MYLK: variants seen among roughly 807,000 people sequenced by gnomAD.
The protein encoded by MYLK is myosin light chain kinase, smooth muscle.
In MYLK, 106 loss-of-function variants were observed where a neutral mutation model predicts 203.4. That is an observed-to-expected ratio of 0.52 (90% CI 0.45 to 0.61). MYLK has a LOEUF of 0.61. MYLK is among the 20% of genes least tolerant of loss of function. MYLK has a pLI of 0.00. For synonymous variants in MYLK, 867 were observed against 959.5 expected, an observed-to-expected ratio of 0.90 and a Z score of 1.78; for missense variants, 2,072 against 2,442.3, an observed-to-expected ratio of 0.85 and a Z score of 3.20.
intron 2 of MYLK, among the ~76,000 whole-genome samples, chr3:123,875,822 G>T (rs750148442): frequency 6.6e-6 from 1 of 152,082 alleles, no homozygotes; most frequent in Non-Finnish European, 1.5e-5. Context: ...AGAATACACC[G>T]AAACTAGGAA....
rs2061220328 is a variant in MYLK, at chr3:123,701,455, A to G, written c.2445T>C (p.Ser815=). 1 of 1,614,100 alleles carries G rather than the reference A, an allele frequency of 6.2e-7. No homozygotes were observed. The highest frequency in any genetic ancestry group is 8.5e-7 in the Non-Finnish European group (1 of 1,180,008). The change falls in exon 17 of 34, where the codon TCT becomes TCC. Residue 815 remains serine, a synonymous_variant. Transcript: ENST00000360304. ...GCACTCACCGTGGAAGGGCTCTGGC[A>G]GAGCTGTTCTGTAGCATCAGTGACA... is the stretch of plus-strand genomic sequence containing the variant. ...CQVSLMLQNS[S]ARALPRGREP... is the part of the protein sequence containing the mutation.
chr3:123,679,061 C>T (rs907972533), intron 20 of MYLK, among the ~76,000 whole-genome samples: 1 of 152,154 alleles, frequency 6.6e-6, no homozygotes, highest in Non-Finnish European at 1.5e-5. Flanking sequence ...GTAATCCCAG[C>T]ACTTTGGGAG....
chr3:123,826,350 T>C (rs1420639466), intron 3 of MYLK, among the ~76,000 whole-genome samples: 1 of 152,016 alleles, frequency 6.6e-6, no homozygotes, highest in Non-Finnish European at 1.5e-5. Context: ...GGCAGACACA[T>C]CACCAGGCTG....
intron 13 of MYLK, among the ~76,000 whole-genome samples, chr3:123,714,453 G>C (rs2061824527): frequency 6.6e-6 from 1 of 152,142 alleles, no homozygotes; most frequent in Non-Finnish European, 1.5e-5. Flanking sequence ...TAAGGACCAG[G>C]GTCTGAGGCA....
At chr3:123,779,908 A>G (rs2064228302) in intron 4 of MYLK, among the ~76,000 whole-genome samples, 1 of 152,186 alleles carries the variant, frequency 6.6e-6, no homozygotes, top group Admixed American at 6.5e-5. Context: ...TGGGAAGTGC[A>G]GATTTAGAGC....
At chr3:123,722,630 T>C (rs543682337) in intron 12 of MYLK, among the ~76,000 whole-genome samples, 2 of 152,130 alleles carry the variant, frequency 1.3e-5, no homozygotes, top group Non-Finnish European at 2.9e-5. Flanking sequence ...CAAATCCACA[T>C]CCTCAACTTC....
At chr3:123,786,643 A>G (rs2064542333) in intron 4 of MYLK, among the ~76,000 whole-genome samples, 1 of 145,050 alleles carries the variant, frequency 6.9e-6, no homozygotes, top group Non-Finnish European at 1.5e-5. Flanking sequence ...TTCAAAATAA[A>G]GAGTGTAATT....
chr3:123,782,518 AG>A (rs1190524080), intron 4 of MYLK, among the ~76,000 whole-genome samples: 3 of 152,220 alleles, frequency 2.0e-5, no homozygotes, highest in African/African-American at 7.2e-5. Flanking sequence ...AGATATTAGA[AG>A]GAATCTGAAC....
Position 123,703,626 on chromosome 3 carries a change from C to T in MYLK, c.2391-2117G>A, listed in dbSNP as rs535326722. 3.9e-5 allele frequency among the ~76,000 whole-genome samples: 6 copies of T among 152,274 alleles called. No individual in the cohort carries two copies. The South Asian group carries it at 6.2e-4, about 16-fold the overall frequency. ...GGAGAACGAAGAGGTCCTCAGTGTG[C>T]CCCGAGTTCTCAACACTTAAAAAGG... On this transcript the variant is annotated intron_variant, in intron 16 of 33. Coordinates refer to ENST00000360304, the MANE Select transcript of MYLK (RefSeq NM_053025.4).
chr3:123,824,092 CTTT>C (rs750541116), intron 3 of MYLK, among the ~76,000 whole-genome samples: 1 of 143,300 alleles, frequency 7.0e-6, no homozygotes. Context: ...TTTATTGTTT[CTTT>C]TTTTTTTTTT....
rs2062544190 is a variant in MYLK, at chr3:123,733,079, C to T, written c.1333G>A (p.Val445Met). ...CEVSGIPKPE[V>M]AWFLEGTPVR... ...GGGGTGCCTTCCAGGAACCAGGCCA[C>T]TTCAGGCTTTGGAATCCCGGAAACT... Residue 445 changes from valine to methionine, a missense_variant, in exon 11 of 34, where the codon GTG becomes ATG. Around this residue, in one of 3 missense-constraint regions of MYLK, gnomAD observed 683 missense variants for 643.8 expected, o/e 1.06. Transcript: ENST00000360304. 6.2e-7 allele frequency: 1 copy of T among 1,614,002 alleles called. No individual in the cohort carries two copies. Among genetic ancestry groups the T allele is most frequent in the Non-Finnish European group, 8.5e-7 (1 of 1,179,996 alleles).
intron 18 of MYLK, among the ~76,000 whole-genome samples, chr3:123,698,552 C>T (rs1359859138): frequency 6.6e-6 from 1 of 152,178 alleles, no homozygotes; most frequent in Non-Finnish European, 1.5e-5. Flanking sequence ...AAGTCTCACC[C>T]CAGCCCAATA....
intron 2 of MYLK, among the ~76,000 whole-genome samples, chr3:123,848,357 T>A (rs2030307808): frequency 6.6e-6 from 1 of 152,124 alleles, no homozygotes; most frequent in South Asian, 2.1e-4. Context: ...CTTCTACTTT[T>A]CCAAAGGTTT....
chr3:123,640,266 G>C lies in MYLK; in HGVS notation c.4837+21C>G, dbSNP rs1201849539. 1 of 1,610,058 alleles carries C rather than the reference G, an allele frequency of 6.2e-7. No homozygotes were observed. The highest frequency in any genetic ancestry group is 8.5e-7 in the Non-Finnish European group (1 of 1,176,612). On this transcript the variant is annotated intron_variant, in intron 28 of 33. Transcript: ENST00000360304. This position sits in a 1 kb window ranked among gnomAD's most constrained non-coding sequence, Gnocchi z 4.3. The stretch of plus-strand genomic sequence containing the variant: ...AGTGCAATACACACTGGTGTCCATG[G>C]GAGAGGCAGATGAGCCTTACCCAGC...
intron 18 of MYLK, among the ~76,000 whole-genome samples, chr3:123,697,473 A>G (rs1485635734): frequency 6.6e-6 from 1 of 152,224 alleles, no homozygotes; most frequent in East Asian, 1.9e-4. Context: ...GTTGATAGAC[A>G]AATTCTCAGC....
chr3:123,768,894 A>T (rs1425795092), intron 4 of MYLK, among the ~76,000 whole-genome samples: 1 of 151,396 alleles, frequency 6.6e-6, no homozygotes, highest in Non-Finnish European at 1.5e-5. Flanking sequence ...ACGCAAGTGC[A>T]CTCTCCCCCT....
At chr3:123,650,821 G>C (rs991127297) in intron 24 of MYLK, among the ~76,000 whole-genome samples, 24 of 152,230 alleles carry the variant, frequency 1.6e-4, no homozygotes, top group Non-Finnish European at 4.4e-5. Flanking sequence ...TGGAGTTAGT[G>C]TTCAGGAGAA....
chr3:123,713,592 TGTGTGTGTGTGTG>T (rs1278587030), intron 13 of MYLK, among the ~76,000 whole-genome samples: 2 of 13,108 alleles, frequency 1.5e-4, no homozygotes, highest in Admixed American at 1.9e-3. Flanking sequence ...TGTGTGTGTG[TGTGTGTGTGTGTG>T]TGTGTGTGTG....
At chr3:123,701,062 A>G in intron 17 of MYLK, 57 bp from the exon 18 acceptor site, 6 of 1,589,822 alleles carry the variant, frequency 3.8e-6, no homozygotes, top group Non-Finnish European at 4.3e-6. Context: ...CTGGGTAAGA[A>G]AGAAACTTCA....
Sources: allele counts gnomAD v4.1 joint callset (sites outside exome capture counted in the v4.1 genomes callset), GRCh38; gene constraint gnomAD v4.1.1; regional missense constraint gnomAD v4.1.1; non-coding constraint Gnocchi (gnomAD v3.1); transcripts MANE v1.5; gene names NCBI Gene and HGNC (gene_info 2026-07-23, HGNC 2026-07-21).